The following NMRK1 variants were observed in gnomAD, a reference collection of about 807,000 sequenced individuals.
NMRK1 encodes the protein NRK 1.
In NMRK1, 28 loss-of-function variants were observed where a neutral mutation model predicts 29.9. That is an observed-to-expected ratio of 0.94 (90% confidence interval 0.69 to 1.28). NMRK1 has a LOEUF of 1.28. NMRK1 is among the 50% of genes most tolerant of loss of function. The probability of loss-of-function intolerance (pLI) is 0.00; values close to 1 mark genes in which losing one functional copy is unlikely to be tolerated. For missense variants in NMRK1, 218 were observed against 233.1 expected (o/e 0.94, Z 0.42); for synonymous variants, 58 against 73.0 (o/e 0.79, Z 1.05).
Position 75,070,036 on chromosome 9 carries a change from T to C in NMRK1, c.176A>G (p.Glu59Gly). 1 of 1,605,938 alleles carries C rather than the reference T, an allele frequency of 6.2e-7. No individual in the cohort carries two copies. The highest frequency in any genetic ancestry group is 1.3e-5 in the African/African-American group (1 of 74,488). The change falls in exon 5 of 9, where the codon GAA becomes GGA. Residue 59 changes from glutamate (E) to glycine (G), a missense_variant. Glu to Gly is a moderately conservative substitution (Grantham distance 98). Transcript: ENST00000361092. Reference protein sequence around the residue: ...KNGFLQYDVLEALNMEKMMSA... With the variant: ...KNGFLQYDVLGALNMEKMMSA... ...CATCATTTTTTCCATGTTAAGTGCT[T>C]CAAGCACTTCAAACAAACACACAAA...
At chr9:75,068,315 C>T (rs1035765408) in intron 7 of NMRK1, among the ~76,000 whole-genome samples, 40 of 152,166 alleles carry the variant, frequency 2.6e-4, no homozygotes, top group African/African-American at 9.4e-4. Flanking sequence ...CTTCTTACTT[C>T]TCTGAGAACA....
At chr9:75,071,100 T>A (rs1823673712) in intron 4 of NMRK1, among the ~76,000 whole-genome samples, 1 of 152,186 alleles carries the variant, frequency 6.6e-6, no homozygotes, top group African/African-American at 2.4e-5. Context: ...AATACTTTTT[T>A]AGTCCCACAC....
At chr9:75,075,054 C>T (rs938316757) in intron 4 of NMRK1, among the ~76,000 whole-genome samples, 2 of 152,112 alleles carry the variant, frequency 1.3e-5, no homozygotes, top group Admixed American at 1.3e-4. Flanking sequence ...GGCTAATTAT[C>T]ATTGCTTTAA....
chr9:75,077,482 A>G lies in NMRK1; in HGVS notation c.120+8T>C, dbSNP rs112620436. On this transcript the variant is annotated splice_region_variant and intron_variant, in intron 3 of 8. Coordinates refer to ENST00000361092, the MANE Select transcript of NMRK1 (RefSeq NM_017881.3). ...TTAAATAAATAATTTAAGAAGTTTT[A>G]TAGATACCTTGAAGAAATCATCCTG... is the stretch of plus-strand genomic sequence containing the variant. The G allele has an allele frequency of 2.0e-4, 309 of 1,563,922 alleles. No individual in the cohort carries two copies. In the African/African-American group the frequency reaches 3.5e-3, roughly 18 times the overall value.
chr9:75,071,730 A>G (rs1277125248), intron 4 of NMRK1, among the ~76,000 whole-genome samples: 2 of 152,162 alleles, frequency 1.3e-5, no homozygotes, highest in Non-Finnish European at 2.9e-5. Context: ...AAGTTGGTCC[A>G]TTGTGAGAAG....
chr9:75,086,419 G>A (rs59531240), intron 1 of NMRK1, among the ~76,000 whole-genome samples: 3 of 152,150 alleles, frequency 2.0e-5, no homozygotes, highest in Admixed American at 2.0e-4. Flanking sequence ...TGCGTGCAAG[G>A]CTTTCCTCAA....
In NMRK1 at chr9:75,070,025, T is replaced by C. The variant is rs150798577; in HGVS notation, c.187A>G (p.Met63Val). 18 of 1,612,618 alleles carry C rather than the reference T, an allele frequency of 1.1e-5. No homozygotes were observed. Among genetic ancestry groups the C allele is most frequent in the East Asian group, 2.2e-5 (1 of 44,868 alleles). ...LQYDVLEALN[M>V]EKMMSAISCW... ...GAAATGGCTGACATCATTTTTTCCATGTTAAGTGCTTCAAGCACTTCAAAC... is the reference window on the plus strand; with the variant it reads ...GAAATGGCTGACATCATTTTTTCCACGTTAAGTGCTTCAAGCACTTCAAAC... The change falls in exon 5 of 9, where the codon ATG becomes GTG. Residue 63 changes from methionine to valine, a missense_variant. Transcript: ENST00000361092.
chr9:75,067,894 G>C (rs3758186), intron 7 of NMRK1, among the ~76,000 whole-genome samples: 96,944 of 151,918 alleles, frequency 0.64, 31,368 homozygotes, highest in East Asian at 0.74. Flanking sequence ...GCATACATCA[G>C]TTCTAACTCC....
Position 75,087,217 on chromosome 9 carries a change from A to G in NMRK1, c.-36+791T>C, listed in dbSNP as rs1287726994. On this transcript the variant is annotated intron_variant, in intron 1 of 8. Coordinates refer to ENST00000361092, the MANE Select transcript of NMRK1 (RefSeq NM_017881.3). ...GCTGGGGTTTTTGAAAACGCAATTC[A>G]TGCCCCTCCCCCATTGGTTTCATTT... 1.1e-4 allele frequency among the ~76,000 whole-genome samples: 17 copies of G among 152,180 alleles called. No individual in the cohort carries two copies. The East Asian group carries it at 2.3e-3, about 21-fold the overall frequency.
At chr9:75,085,172 A>G (rs565823171) in intron 1 of NMRK1, among the ~76,000 whole-genome samples, 1 of 152,310 alleles carries the variant, frequency 6.6e-6, no homozygotes, top group Admixed American at 6.5e-5. Context: ...CCTTGCCCCC[A>G]TTATTTTTGG....
rs1331547952 is a variant in NMRK1 at position 75,061,242 on chromosome 9, T to A, written c.*306A>T. On this transcript the variant is annotated 3_prime_UTR_variant, in exon 9 of 9. Coordinates refer to ENST00000361092, the MANE Select transcript of NMRK1 (RefSeq NM_017881.3). Reference sequence around the variant, plus strand: ...CTTTATTTCTTACTCTGAGCTCCAGTTAGAAAAGTTTGACAATCATTGTTA... The same window carrying A: ...CTTTATTTCTTACTCTGAGCTCCAGATAGAAAAGTTTGACAATCATTGTTA... The A allele has an allele frequency of 1.8e-5, 6 of 333,754 alleles. No individual in the cohort carries two copies. 20.7% of individuals were successfully genotyped at this position (333,754 alleles called of 1,614,324 possible).
intron 4 of NMRK1, among the ~76,000 whole-genome samples, chr9:75,072,115 T>C (rs556859424): frequency 1.2e-4 from 18 of 152,364 alleles, no homozygotes; most frequent in Admixed American, 9.8e-4. Flanking sequence ...TTTTCTATTC[T>C]GGTAGGCCAC....
In NMRK1 at chr9:75,061,434, A is replaced by G. The variant is rs549131699; in HGVS notation, c.*114T>C. 1.0e-5 allele frequency: 8 copies of G among 799,798 alleles called. No homozygotes were observed. In the African/African-American group the frequency reaches 1.0e-4, roughly 10 times the overall value. 49.5% of individuals were successfully genotyped at this position (799,798 alleles called of 1,614,324 possible). ...ACCATGTGCAATAAAAATCAAACAT[A>G]TGAAACAATGGCTGTCATTGTACCA... On this transcript the variant is annotated 3_prime_UTR_variant, in exon 9 of 9. Coordinates refer to ENST00000361092, the MANE Select transcript of NMRK1 (RefSeq NM_017881.3).
chr9:75,066,523 T>C (rs1823358210), intron 8 of NMRK1, among the ~76,000 whole-genome samples: 1 of 152,082 alleles, frequency 6.6e-6, no homozygotes, highest in African/African-American at 2.4e-5. Context: ...ATCACATAAA[T>C]AGCATTAAGA....
chr9:75,087,588 C>CT (rs1039727945), intron 1 of NMRK1: 3 of 150,342 alleles, frequency 2.0e-5, no homozygotes, highest in African/African-American at 7.3e-5. Context: ...TATTATATTT[C>CT]TTTTTATTTC....
chr9:75,066,387 A>G (rs1239329879), intron 8 of NMRK1: 1 of 426,546 alleles, frequency 2.3e-6, no homozygotes, highest in Non-Finnish European at 4.6e-6. Context: ...AAAGTCTTTA[A>G]GGGAATAAAA....
intron 6 of NMRK1, 153 bp from the exon 7 acceptor site, chr9:75,069,255 A>T (rs777816660): frequency 4.2e-5 from 24 of 570,022 alleles, no homozygotes; most frequent in Non-Finnish European, 6.6e-5. Context: ...AATGGCAGTT[A>T]GAACGACAGT....
Position 75,079,906 on chromosome 9 carries a change from C to T in NMRK1, c.30-2326G>A, listed in dbSNP as rs574627851. On this transcript the variant is annotated intron_variant, in intron 2 of 8. Coordinates refer to ENST00000361092, the MANE Select transcript of NMRK1 (RefSeq NM_017881.3). The stretch of plus-strand genomic sequence containing the variant: ...CTACCCAACCTGAGGAGAAGCGTGC[C>T]CAGCATGCATTCTGTCCTAGGATCT... Among the ~76,000 whole-genome samples the T allele has an allele frequency of 3.3e-5, 5 of 152,272 alleles. No individual in the cohort carries two copies. The East Asian group carries it at 9.7e-4, about 29-fold the overall frequency.
In NMRK1 at chr9:75,069,831, T is replaced by C. The variant is rs1823592098; in HGVS notation, c.318-18A>G. ...CAAGGGGCCTAAAATAACAGCATAC[T>C]TAGTTCACAAGGGTTTTTATCCCCC... On this transcript the variant is annotated intron_variant, in intron 5 of 8. Transcript: ENST00000361092. 1 of 1,612,180 alleles carries C rather than the reference T, an allele frequency of 6.2e-7. No homozygotes were observed. The highest frequency in any genetic ancestry group is 1.1e-5 in the South Asian group (1 of 90,764).
Sources: gnomAD v4.1 joint callset for allele counts (sites outside exome capture counted in the v4.1 genomes callset) on GRCh38, gnomAD v4.1.1 for gene constraint, MANE v1.5 for transcripts, NCBI Gene and HGNC (gene_info 2026-07-23, HGNC 2026-07-21) for gene names.